The following SOX5 variants were observed in gnomAD, a reference collection of about 807,000 sequenced individuals.
SOX5 encodes the protein SRY-box transcription factor 5.
Under a neutral mutation model 92.0 loss-of-function variants are expected in SOX5, and 9 were observed. The ratio of observed to expected loss-of-function variants is 0.10; its 90% CI spans 0.06 to 0.17. The LOEUF (loss-of-function observed/expected upper bound fraction) is 0.17, where lower values mean the gene tolerates loss of function less well. SOX5 is among the 10% of genes least tolerant of loss of function. The pLI is 1.00. For missense variants in SOX5, 642 were observed against 944.5 expected, an observed-to-expected ratio of 0.68 and a Z score of 4.20; for synonymous variants, 344 against 336.3, an observed-to-expected ratio of 1.02 and a Z score of -0.25.
chr12:23,592,180 CTTGGTA>C (rs1951663852), intron 9 of SOX5, among the ~76,000 whole-genome samples: 1 of 152,022 alleles, frequency 6.6e-6, no homozygotes, highest in South Asian at 2.1e-4. Context: ...ATTAGACTTT[CTTGGTA>C]TTGGTAAAAA....
chr12:24,424,816 G>T (rs1036700694), intron 1 of SOX5, among the ~76,000 whole-genome samples: 9 of 150,298 alleles, frequency 6.0e-5, no homozygotes, highest in Middle Eastern at 3.4e-3. Context: ...TTTGGGGGGG[G>T]GGGATGGCTG....
intron 3 of SOX5, among the ~76,000 whole-genome samples, chr12:23,838,966 A>G (rs2096476300): frequency 6.6e-6 from 1 of 151,228 alleles, no homozygotes. Flanking sequence ...CAGCCTCCCA[A>G]GCAGCTGGGA....
chr12:24,378,760 G>A (rs556305448), intron 1 of SOX5, among the ~76,000 whole-genome samples: 13 of 152,220 alleles, frequency 8.5e-5, no homozygotes, highest in Middle Eastern at 3.4e-3. Context: ...TATTGTAGCC[G>A]AAGCATAAAC....
intron 1 of SOX5, among the ~76,000 whole-genome samples, chr12:24,369,659 A>G (rs896118052): frequency 6.6e-6 from 1 of 152,234 alleles, no homozygotes; most frequent in African/African-American, 2.4e-5. Flanking sequence ...CATAACTGTG[A>G]GTATAACAGC....
chr12:24,554,498 C>T (rs576791422), intron 1 of SOX5, among the ~76,000 whole-genome samples: 1 of 152,154 alleles, frequency 6.6e-6, no homozygotes, highest in African/African-American at 2.4e-5. Context: ...GGCACAGATT[C>T]CCTAGAGGAG....
chr12:24,373,083 A>G (rs1276695822), intron 1 of SOX5, among the ~76,000 whole-genome samples: 1 of 151,762 alleles, frequency 6.6e-6, no homozygotes, highest in African/African-American at 2.4e-5. Flanking sequence ...GCACCACTGC[A>G]CTCCAACCTC....
chr12:24,405,034 A>T (rs1321271901), intron 1 of SOX5, among the ~76,000 whole-genome samples: 3 of 152,116 alleles, frequency 2.0e-5, no homozygotes, highest in Non-Finnish European at 4.4e-5. Context: ...CCCAGAACAG[A>T]TTCTTCGCCT....
chr12:24,417,559 A>T (rs900788791), intron 1 of SOX5, among the ~76,000 whole-genome samples: 1 of 152,238 alleles, frequency 6.6e-6, no homozygotes, highest in African/African-American at 2.4e-5. Flanking sequence ...CAGCTCAAAG[A>T]CATAAAGTAG....
intron 3 of SOX5, among the ~76,000 whole-genome samples, chr12:23,822,237 C>T (rs2096134075): frequency 6.6e-6 from 1 of 152,136 alleles, no homozygotes; most frequent in Non-Finnish European, 1.5e-5. Flanking sequence ...TTAGATCTTT[C>T]CCACTTTCTC....
At chr12:24,488,642 T>C (rs1161692214) in intron 1 of SOX5, among the ~76,000 whole-genome samples, 1 of 152,156 alleles carries the variant, frequency 6.6e-6, no homozygotes, top group African/African-American at 2.4e-5. Flanking sequence ...TGACTAGAAA[T>C]TTTCACATTT....
intron 2 of SOX5, among the ~76,000 whole-genome samples, chr12:24,349,997 A>G (rs891862797): frequency 5.3e-5 from 8 of 152,150 alleles, no homozygotes; most frequent in African/African-American, 1.4e-4. Context: ...TTGCTCATGC[A>G]TTCATTTTCT....
Position 23,603,935 on chromosome 12 carries a change from C to A in SOX5, c.1164+452G>T, listed in dbSNP as rs959741010. The A allele has an allele frequency of 5.7e-5, 9 of 158,560 alleles. No individual in the cohort carries two copies. In the South Asian group the frequency reaches 1.3e-3, roughly 22 times the overall value. 9.8% of individuals were successfully genotyped at this position (158,560 alleles called of 1,614,324 possible). On this transcript the variant is annotated intron_variant, in intron 9 of 14. Coordinates refer to ENST00000451604, the MANE Select transcript of SOX5 (RefSeq NM_006940.6). Reference sequence around the variant, plus strand: ...CCTAATTCTACTTGTATTTTAAGGTCTATTTCAGTTTTCCCTTCTCTGGCA... The same window carrying A: ...CCTAATTCTACTTGTATTTTAAGGTATATTTCAGTTTTCCCTTCTCTGGCA...
At chr12:23,546,042 C>T (rs2136069823) in intron 12 of SOX5, among the ~76,000 whole-genome samples, 1 of 152,172 alleles carries the variant, frequency 6.6e-6, no homozygotes, top group Non-Finnish European at 1.5e-5. Flanking sequence ...CACTTAGAGC[C>T]CTGTGACCTG....
intron 7 of SOX5, among the ~76,000 whole-genome samples, chr12:23,657,946 T>TTA (rs1192024751): frequency 1.3e-5 from 2 of 152,294 alleles, no homozygotes; most frequent in African/African-American, 4.8e-5. Context: ...GAAAAGCTAG[T>TTA]TATGGCCTAA....
At chr12:23,538,469 C>T (rs199778371) in intron 13 of SOX5, among the ~76,000 whole-genome samples, 2 of 152,108 alleles carry the variant, frequency 1.3e-5, no homozygotes, top group African/African-American at 2.4e-5. Flanking sequence ...GTTGGTTGGT[C>T]AAGCCATATC....
chr12:24,321,260 A>T (rs1045883550), intron 2 of SOX5, among the ~76,000 whole-genome samples: 1 of 152,230 alleles, frequency 6.6e-6, no homozygotes, highest in Non-Finnish European at 1.5e-5. Flanking sequence ...CTGTTTCATT[A>T]ATTAATAACA....
chr12:24,197,652 C>T (rs1957133278), intron 4 of SOX5, among the ~76,000 whole-genome samples: 1 of 152,132 alleles, frequency 6.6e-6, no homozygotes, highest in East Asian at 1.9e-4. Flanking sequence ...TGTGCTTCTC[C>T]CACTTCCTTC....
rs775787498 is a variant in SOX5, at chr12:23,728,068, G to T, written c.810+6616C>A. On this transcript the variant is annotated intron_variant, in intron 6 of 14. Coordinates refer to ENST00000451604, the MANE Select transcript of SOX5 (RefSeq NM_006940.6). ...AATTTTAAAGTGGCTCCCTCTGAGT[G>T]AAAGGACAGGGCTGCAGGCAGTTAT... Among the ~76,000 whole-genome samples the T allele has an allele frequency of 4.9e-3, 753 of 152,282 alleles. 2 individuals are homozygous for T. The highest frequency in any genetic ancestry group is 6.2e-3 in the Non-Finnish European group (420 of 68,016).
chr12:24,307,341 A>G (rs1948679104), intron 2 of SOX5, among the ~76,000 whole-genome samples: 1 of 152,154 alleles, frequency 6.6e-6, no homozygotes, highest in Admixed American at 6.6e-5. Context: ...ACATACTTGC[A>G]TACATGTTTA....
Sources: gnomAD v4.1 joint callset for allele counts (sites outside exome capture counted in the v4.1 genomes callset) on GRCh38, gnomAD v4.1.1 for gene constraint, MANE v1.5 for transcripts, NCBI Gene and HGNC (gene_info 2026-07-23, HGNC 2026-07-21) for gene names.